The following LARGE1 variants were observed in gnomAD, a reference collection of about 807,000 sequenced individuals.
LARGE1 encodes xylosyl- and glucuronyltransferase LARGE1.
A neutral mutation model predicts 87.6 loss-of-function variants in LARGE1; 43 were observed. The observed-to-expected ratio is 0.49, with a 90% confidence interval of 0.38 to 0.63. The LOEUF is 0.63. Ranked by LOEUF, LARGE1 falls within the 30% of genes least tolerant of loss-of-function variation. The pLI, the probability that LARGE1 is intolerant of heterozygous loss-of-function variation, is 0.00. For missense variants in LARGE1, 802 were observed against 1,000.2 expected (o/e 0.80, Z 2.67); for synonymous variants, 434 against 394.6 (o/e 1.10, Z -1.18).
chr22:33,476,330 T>C (rs968272488), intron 6 of LARGE1, among the ~76,000 whole-genome samples: 1 of 152,208 alleles, frequency 6.6e-6, no homozygotes, highest in Non-Finnish European at 1.5e-5. Context: ...TCACTGTAAA[T>C]TGTGTGTTCA....
intron 5 of LARGE1, among the ~76,000 whole-genome samples, chr22:33,578,033 C>A (rs1226313108): frequency 6.6e-6 from 1 of 152,154 alleles, no homozygotes; most frequent in Non-Finnish European, 1.5e-5. Context: ...GGTCTTATTG[C>A]AATTTTGAAT....
At chr22:33,718,886 G>A (rs2082992371) in intron 2 of LARGE1, among the ~76,000 whole-genome samples, 1 of 152,186 alleles carries the variant, frequency 6.6e-6, no homozygotes, top group Non-Finnish European at 1.5e-5. Flanking sequence ...CACCTCCCAG[G>A]TTCAAGCGAT....
chr22:33,905,937 G>A (rs5999138), intron 1 of LARGE1, among the ~76,000 whole-genome samples: 1 of 151,974 alleles, frequency 6.6e-6, no homozygotes, highest in African/African-American at 2.4e-5. Context: ...CGAGACCAGC[G>A]TGACCAACAA....
In LARGE1 at chr22:33,650,325, G is replaced by A. The variant is rs183384695; in HGVS notation, c.408+42C>T. 6.7e-4 allele frequency: 1,079 copies of A among 1,611,918 alleles called. 5 individuals are homozygous for A. In the African/African-American group the frequency reaches 0.011, roughly 16 times the overall value. ...ATTTGCAAGGGGTGAGGGCAATCGG[G>A]ACTTTGGACAACTTCCTCCCCAGGC... On this transcript the variant is annotated intron_variant, in intron 3 of 14. Transcript: ENST00000397394.
At chr22:33,866,820 T>A (rs1373899479) in intron 1 of LARGE1, among the ~76,000 whole-genome samples, 2 of 152,126 alleles carry the variant, frequency 1.3e-5, no homozygotes, top group Non-Finnish European at 2.9e-5. Context: ...TCACTTTTTT[T>A]TTCAATAAAT....
At chr22:33,330,193 A>T (rs1008857554) in intron 10 of LARGE1, among the ~76,000 whole-genome samples, 2 of 152,336 alleles carry the variant, frequency 1.3e-5, no homozygotes, top group South Asian at 2.1e-4. Flanking sequence ...AGCAGAAGCC[A>T]GATGCAAGCC....
At chr22:33,384,155 C>T (rs760507713) in intron 8 of LARGE1, 37 bp downstream of exon 8, 1 of 1,413,264 alleles carries the variant, frequency 7.1e-7, no homozygotes, top group South Asian at 1.1e-5. Flanking sequence ...ACCAAGCACA[C>T]TCAGGAATAG....
At chr22:33,372,668 T>C (rs1391414224) in intron 9 of LARGE1, among the ~76,000 whole-genome samples, 2 of 152,154 alleles carry the variant, frequency 1.3e-5, no homozygotes, top group Non-Finnish European at 2.9e-5. Context: ...CATGTGTTAA[T>C]TGTGGGAGCT....
At chr22:33,543,854 G>A (rs1446291423) in intron 6 of LARGE1, among the ~76,000 whole-genome samples, 1 of 152,238 alleles carries the variant, frequency 6.6e-6, no homozygotes, top group Non-Finnish European at 1.5e-5. Flanking sequence ...CTGCTTGCAA[G>A]ACTGGCCCTT....
chr22:33,530,887 T>C (rs1435747894), intron 6 of LARGE1, among the ~76,000 whole-genome samples: 1 of 152,218 alleles, frequency 6.6e-6, no homozygotes, highest in Non-Finnish European at 1.5e-5. Context: ...AACAGTATCT[T>C]ATTGACTGGC....
chr22:33,908,275 C>T (rs905050788), intron 1 of LARGE1, among the ~76,000 whole-genome samples: 7 of 152,132 alleles, frequency 4.6e-5, no homozygotes, highest in Non-Finnish European at 8.8e-5. Flanking sequence ...CGCTCTCTAG[C>T]AAAACAGTCA....
intron 2 of LARGE1, among the ~76,000 whole-genome samples, chr22:33,749,369 TC>T (rs2084225696): frequency 6.6e-6 from 1 of 152,120 alleles, no homozygotes; most frequent in South Asian, 2.1e-4. Flanking sequence ...CTCCTCAGCC[TC>T]CCAAAGTGCT....
At chr22:33,215,820 G>T (rs1925176838) in intron 11 of LARGE1, among the ~76,000 whole-genome samples, 1 of 152,182 alleles carries the variant, frequency 6.6e-6, no homozygotes, top group African/African-American at 2.4e-5. Flanking sequence ...GCCAGGTGTG[G>T]TGGCGCATGC....
At chr22:33,465,289 C>G (rs4821148) in intron 6 of LARGE1, among the ~76,000 whole-genome samples, 30,853 of 152,144 alleles carry the variant, frequency 0.2, 3,250 homozygotes, top group East Asian at 0.28. Flanking sequence ...GTTATAACCA[C>G]AAAGTACATG....
rs2147806019 is a variant in LARGE1, at chr22:33,439,633, C to T, written c.788-7368G>A. 1.3e-5 allele frequency among the ~76,000 whole-genome samples: 2 copies of T among 152,284 alleles called. 1 individual carries two copies. Among genetic ancestry groups the T allele is most frequent in the Middle Eastern group, 6.8e-3 (2 of 294 alleles). Reference sequence around the variant, plus strand: ...GGATCTACTCCGGTGGCTTCAGACACTATTGACTGGAAGATGATCACCAAT... The same window carrying T: ...GGATCTACTCCGGTGGCTTCAGACATTATTGACTGGAAGATGATCACCAAT... On this transcript the variant is annotated intron_variant, in intron 6 of 14. Coordinates refer to ENST00000397394, the MANE Select transcript of LARGE1 (RefSeq NM_133642.5).
At chr22:33,871,503 C>T (rs2064279863) in intron 1 of LARGE1, among the ~76,000 whole-genome samples, 1 of 152,196 alleles carries the variant, frequency 6.6e-6, no homozygotes, top group Admixed American at 6.5e-5. Context: ...AGTCAGAACA[C>T]AGATGCTATT....
chr22:33,245,455 A>G (rs1926711773), intron 11 of LARGE1, among the ~76,000 whole-genome samples: 1 of 152,240 alleles, frequency 6.6e-6, no homozygotes, highest in African/African-American at 2.4e-5. Context: ...TTGCTCTTGA[A>G]TGATCTGCTT....
intron 2 of LARGE1, among the ~76,000 whole-genome samples, chr22:33,751,999 C>G (rs1325896309): frequency 6.6e-6 from 1 of 152,190 alleles, no homozygotes; most frequent in Non-Finnish European, 1.5e-5. Flanking sequence ...CCAGGCTGGT[C>G]TTGAGCTCCT....
intron 6 of LARGE1, among the ~76,000 whole-genome samples, chr22:33,506,143 C>T (rs542340001): frequency 6.6e-6 from 1 of 152,068 alleles, no homozygotes; most frequent in Non-Finnish European, 1.5e-5. Flanking sequence ...ATTTCAAGGG[C>T]CTCATTTCAA....
Sources: allele counts gnomAD v4.1 joint callset (sites outside exome capture counted in the v4.1 genomes callset), GRCh38; gene constraint gnomAD v4.1.1; transcripts MANE v1.5; gene names NCBI Gene and HGNC (gene_info 2026-07-23, HGNC 2026-07-21).